GRK7: variants seen among roughly 807,000 people sequenced by gnomAD.
GRK7 encodes rhodopsin kinase GRK7.
GRK7 carries 24 observed loss-of-function variants against 34.1 expected under a neutral mutation model. That is an observed-to-expected ratio of 0.70 (90% CI 0.51 to 0.99). The LOEUF is 0.99. GRK7 is among the 50% of genes least tolerant of loss of function. The probability of loss-of-function intolerance (pLI) is 0.00; values close to 1 mark genes in which losing one functional copy is unlikely to be tolerated. For missense variants in GRK7, 644 were observed against 707.3 expected, an observed-to-expected ratio of 0.91 and a Z score of 1.02; for synonymous variants, 256 against 279.4, an observed-to-expected ratio of 0.92 and a Z score of 0.84.
chr3:141,765,062 CTTCCAGTGGCT>C lies in GRK7; in HGVS notation c.-885_-875del, dbSNP rs2084574050. Among the ~76,000 whole-genome samples the C allele has an allele frequency of 6.6e-6, 1 of 152,228 alleles. No homozygotes were observed. On this transcript the variant is annotated 5_prime_UTR_variant, in exon 1 of 6. Transcript: ENST00000682958. ...AAAATGTCCATCTGATTGTTGAAAA[CTTCCAGTGGCT>C]TTCCATCTCACTCAGAAGGAAAACC...
chr3:141,773,034 G>T (rs1034028794), intron 1 of GRK7, among the ~76,000 whole-genome samples: 1 of 151,728 alleles, frequency 6.6e-6, no homozygotes, highest in African/African-American at 2.4e-5. Flanking sequence ...TACTTGGGAG[G>T]CTGATGTACG....
At position 141,778,171 on chromosome 3, in the gene GRK7, G is replaced by A; in HGVS notation, c.-113-1G>A. The A allele has an allele frequency of 7.4e-7, 1 of 1,349,190 alleles. No homozygotes were observed. The highest frequency in any genetic ancestry group is 1.5e-5 in the South Asian group (1 of 67,858). 83.6% of individuals were successfully genotyped at this position (1,349,190 alleles called of 1,614,324 possible). A position where few individuals can be genotyped will look rare whatever the true frequency, so the allele number is the denominator to read the frequency against. Reference sequence around the variant, plus strand: ...ACACCCTCCACGGGTCCCACCCACAGGCCACAGGACTCACTGTAAATCCCT... The same window carrying A: ...ACACCCTCCACGGGTCCCACCCACAAGCCACAGGACTCACTGTAAATCCCT... On this transcript the variant is annotated splice_acceptor_variant, in intron 2 of 5. Coordinates refer to ENST00000682958, the MANE Select transcript of GRK7 (RefSeq NM_139209.3). LOFTEE classifies it low-confidence loss of function (5UTR_SPLICE). This position sits in a 1 kb window ranked among gnomAD's most constrained non-coding sequence, Gnocchi z 4.1.
chr3:141,773,677 G>A (rs1009147356), intron 1 of GRK7, among the ~76,000 whole-genome samples: 3 of 152,138 alleles, frequency 2.0e-5, no homozygotes, highest in African/African-American at 7.2e-5. Flanking sequence ...GCCTCCCAAA[G>A]TGCTGGGATT....
chr3:141,819,317 G>A lies in GRK7; in HGVS notation c.*2267G>A, dbSNP rs1422346488. On this transcript the variant is annotated 3_prime_UTR_variant, in exon 6 of 6. Coordinates refer to ENST00000682958, the MANE Select transcript of GRK7 (RefSeq NM_139209.3). The stretch of plus-strand genomic sequence containing the variant: ...TTTTTAAAAGGACAAAAAATTTGGA[G>A]AGATAAAAAAATAAAAATGTCTTGT... 6.6e-6 allele frequency among the ~76,000 whole-genome samples: 1 copy of A among 152,244 alleles called. No individual in the cohort carries two copies. Among genetic ancestry groups the A allele is most frequent in the Non-Finnish European group, 1.5e-5 (1 of 68,004 alleles).
intron 1 of GRK7, among the ~76,000 whole-genome samples, chr3:141,766,691 CCCACATATTCG>C (rs1345072740): frequency 6.6e-6 from 1 of 152,122 alleles, no homozygotes; most frequent in Admixed American, 6.5e-5. Flanking sequence ...TCAAATAATT[CCCACATATTCG>C]CCACATATCA....
intron 4 of GRK7, among the ~76,000 whole-genome samples, chr3:141,804,946 TACAC>T (rs985966648): frequency 6.7e-6 from 1 of 148,976 alleles, no homozygotes; most frequent in East Asian, 2.1e-4. Context: ...TACACTCACA[TACAC>T]ACATACACAC....
In GRK7 at chr3:141,808,727, A is replaced by T. The variant is rs185988330; in HGVS notation, c.1325+808A>T. ...AACTCCATCTCAAAAAAAAAGAAAGAAAGTAAGTAGAACGGCAGTTTCCTG... is the reference window on the plus strand; with the variant it reads ...AACTCCATCTCAAAAAAAAAGAAAGTAAGTAAGTAGAACGGCAGTTTCCTG... On this transcript the variant is annotated intron_variant, in intron 5 of 5. Coordinates refer to ENST00000682958, the MANE Select transcript of GRK7 (RefSeq NM_139209.3). Among the ~76,000 whole-genome samples, 325 of 151,828 alleles carry T rather than the reference A, an allele frequency of 2.1e-3. 3 individuals are homozygous for T. The highest frequency in any genetic ancestry group is 4.7e-3 in the Admixed American group (71 of 15,250).
At chr3:141,786,775 GA>G (rs34246562) in intron 4 of GRK7, among the ~76,000 whole-genome samples, 7,194 of 135,934 alleles carry the variant, frequency 0.053, 159 homozygotes, top group South Asian at 0.097. Context: ...AAGACTCTCG[GA>G]AAAAAAAAAA....
chr3:141,794,896 T>G (rs1308537562), intron 4 of GRK7, among the ~76,000 whole-genome samples: 1 of 152,044 alleles, frequency 6.6e-6, no homozygotes, highest in Non-Finnish European at 1.5e-5. Flanking sequence ...CCCTGAGTAC[T>G]AAACAGGGAA....
At chr3:141,806,956 A>T (rs1182381032) in intron 4 of GRK7, among the ~76,000 whole-genome samples, 2 of 151,924 alleles carry the variant, frequency 1.3e-5, no homozygotes, top group African/African-American at 4.8e-5. Context: ...GTATATATAT[A>T]AAGTGAATAT....
chr3:141,802,873 G>C (rs986994407), intron 4 of GRK7, among the ~76,000 whole-genome samples: 2 of 152,104 alleles, frequency 1.3e-5, no homozygotes, highest in African/African-American at 2.4e-5. Flanking sequence ...TCTTCCAGAA[G>C]ACTCCCTTGT....
chr3:141,801,333 AAG>A (rs1401115410), intron 4 of GRK7, among the ~76,000 whole-genome samples: 14 of 149,854 alleles, frequency 9.3e-5, no homozygotes, highest in East Asian at 1.9e-4. Flanking sequence ...AAAAAAAAAA[AAG>A]AAATGCAAAG....
intron 4 of GRK7, among the ~76,000 whole-genome samples, chr3:141,789,794 T>C (rs1273458019): frequency 6.6e-6 from 1 of 152,194 alleles, no homozygotes; most frequent in Non-Finnish European, 1.5e-5. Flanking sequence ...AACTCTTTTC[T>C]ACATATGAGC....
At position 141,764,380 on chromosome 3, in the gene GRK7, A is replaced by G. The variant is rs2084570275; in HGVS notation, c.-1573A>G. 6.6e-6 allele frequency among the ~76,000 whole-genome samples: 1 copy of G among 152,172 alleles called. No individual in the cohort carries two copies. Among genetic ancestry groups the G allele is most frequent in the African/African-American group, 2.4e-5 (1 of 41,434 alleles). ...GGTTTTCATCCCACTACTTCATAGA[A>G]ACTGCTCTTGTCAAGCATCTGCGTG... On this transcript the variant is annotated 5_prime_UTR_variant, in exon 1 of 6. Coordinates refer to ENST00000682958, the MANE Select transcript of GRK7 (RefSeq NM_139209.3).
chr3:141,815,069 C>T (rs1406856599), intron 5 of GRK7, among the ~76,000 whole-genome samples: 1 of 151,924 alleles, frequency 6.6e-6, no homozygotes, highest in Non-Finnish European at 1.5e-5. Flanking sequence ...GGACTACAGG[C>T]ACACTCTGTC....
rs10576210 is a variant in GRK7, at chr3:141,815,231, T to TTTTGTTTG, written c.1326-1459_1326-1452dup. Among the ~76,000 whole-genome samples the TTTTGTTTG allele has an allele frequency of 9.9e-3, 1,468 of 148,368 alleles. 16 individuals carry two copies. The highest frequency in any genetic ancestry group is 0.024 in the East Asian group (122 of 5,042). Reference sequence around the variant, plus strand: ...TGAGCCACCATGTCTGGTTGGTTTTTTTTGTTTGTTTGTTTGTTTGTTTGT... The same window carrying TTTTGTTTG: ...TGAGCCACCATGTCTGGTTGGTTTTTTTTGTTTGTTTGTTTGTTTGTTTGTTTGTTTGT... On this transcript the variant is annotated intron_variant, in intron 5 of 5. Transcript: ENST00000682958.
chr3:141,778,683 G>C lies in GRK7; in HGVS notation c.399G>C (p.Lys133Asn). The C allele has an allele frequency of 5.0e-6, 8 of 1,613,720 alleles. No individual in the cohort carries two copies. The highest frequency in any genetic ancestry group is 6.8e-6 in the Non-Finnish European group (8 of 1,179,826). ...QPFLSQAVAT[K>N]CQAATTEEER... ...TCCTCAGCCAGGCCGTGGCCACCAA[G>C]TGCCAAGCAGCCACCACTGAGGAAG... Residue 133 changes from lysine (K) to asparagine (N), a missense_variant, in exon 3 of 6, where the codon AAG (lysine) becomes AAC (asparagine). Lys to Asn is a moderately conservative substitution (Grantham distance 94). Coordinates refer to ENST00000682958, the MANE Select transcript of GRK7 (RefSeq NM_139209.3). The surrounding 1 kb of genome is among the most constrained non-coding windows in gnomAD (Gnocchi z 4.1).
intron 1 of GRK7, among the ~76,000 whole-genome samples, chr3:141,769,186 CCTT>C (rs2107871724): frequency 6.6e-6 from 1 of 152,282 alleles, no homozygotes; most frequent in Admixed American, 6.5e-5. Context: ...AAACTGAACA[CCTT>C]CTTCCAGGTT....
intron 4 of GRK7, among the ~76,000 whole-genome samples, chr3:141,807,125 G>A (rs1711044521): frequency 6.6e-6 from 1 of 152,134 alleles, no homozygotes; most frequent in Non-Finnish European, 1.5e-5. Context: ...AGGCAGAGGT[G>A]TGCGATGTTA....
Sources: allele counts gnomAD v4.1 joint callset (sites outside exome capture counted in the v4.1 genomes callset), GRCh38; gene constraint gnomAD v4.1.1; non-coding constraint Gnocchi (gnomAD v3.1); transcripts MANE v1.5; gene names NCBI Gene and HGNC (gene_info 2026-07-23, HGNC 2026-07-21).